Variants in SNX29 observed in about 807,000 individuals in gnomAD.
SNX29 encodes the protein sorting nexin 29.
Under a neutral mutation model 102.1 loss-of-function variants are expected in SNX29, and 78 were observed. The ratio of observed to expected loss-of-function variants is 0.76; its 90% CI spans 0.64 to 0.92. The LOEUF (loss-of-function observed/expected upper bound fraction) is 0.92, where lower values mean the gene tolerates loss of function less well. Ranked by LOEUF, SNX29 falls within the 40% of genes least tolerant of loss-of-function variation. The pLI is 0.00. For synonymous variants in SNX29, 580 were observed against 414.5 expected (o/e 1.40, Z -4.85); for missense variants, 1,280 against 1,061.7 (o/e 1.21, Z -2.86).
chr16:12,214,689 C>A (rs34896667), intron 14 of SNX29, among the ~76,000 whole-genome samples: 19,429 of 151,852 alleles, frequency 0.13, 2,166 homozygotes, highest in South Asian at 0.29. Flanking sequence ...TTTGCATTTC[C>A]GTAGAAATAG....
intron 13 of SNX29, among the ~76,000 whole-genome samples, chr16:12,165,918 C>T (rs752356464): frequency 1.3e-5 from 2 of 152,238 alleles, no homozygotes; most frequent in Non-Finnish European, 1.5e-5. Flanking sequence ...TGCACACTAG[C>T]CATGTGACCT....
intron 15 of SNX29, among the ~76,000 whole-genome samples, chr16:12,310,534 A>C (rs1383791306): frequency 6.6e-6 from 1 of 152,100 alleles, no homozygotes; most frequent in Non-Finnish European, 1.5e-5. Context: ...AAAAAAGACC[A>C]TAAGGAGCAT....
intron 13 of SNX29, among the ~76,000 whole-genome samples, chr16:12,187,546 TAA>T (rs759490798): frequency 3.5e-5 from 5 of 141,914 alleles, no homozygotes; most frequent in Non-Finnish European, 1.5e-5. Context: ...AGACTCTGTT[TAA>T]AAAAAAAAAA....
chr16:12,128,838 G>T (rs2054333486), intron 12 of SNX29, among the ~76,000 whole-genome samples: 1 of 152,144 alleles, frequency 6.6e-6, no homozygotes, highest in Non-Finnish European at 1.5e-5. Flanking sequence ...TTGTTTTCCA[G>T]AAACAGCCAG....
chr16:12,463,556 C>T (rs1006429097), intron 18 of SNX29, among the ~76,000 whole-genome samples: 1 of 152,094 alleles, frequency 6.6e-6, no homozygotes, highest in African/African-American at 2.4e-5. Flanking sequence ...AAAGACCTGC[C>T]CCTGTGATTC....
intron 11 of SNX29, among the ~76,000 whole-genome samples, chr16:12,107,545 G>A (rs2053313144): frequency 6.6e-6 from 1 of 152,106 alleles, no homozygotes; most frequent in African/African-American, 2.4e-5. Flanking sequence ...ACTGAGGCAG[G>A]AGAATCTCTT....
chr16:12,028,072 T>C (rs2057241798), intron 4 of SNX29, among the ~76,000 whole-genome samples: 1 of 152,224 alleles, frequency 6.6e-6, no homozygotes, highest in Non-Finnish European at 1.5e-5. Context: ...GATCATGTCA[T>C]GTAACAAATG....
chr16:12,078,934 C>G lies in SNX29; in HGVS notation c.1402+19C>G. On this transcript the variant is annotated intron_variant, in intron 11 of 20. Coordinates refer to ENST00000566228, the MANE Select transcript of SNX29 (RefSeq NM_032167.5). ...ACAATTAGTAAGTACTTTCGCAGCC[C>G]CCTCCACCAGCTCTGGGATGACTTC... The G allele has an allele frequency of 6.3e-7, 1 of 1,579,586 alleles. No individual in the cohort carries two copies. Among genetic ancestry groups the G allele is most frequent in the East Asian group, 2.3e-5 (1 of 43,464 alleles).
intron 15 of SNX29, among the ~76,000 whole-genome samples, chr16:12,284,422 C>G (rs2079529302): frequency 6.6e-6 from 1 of 152,232 alleles, no homozygotes; most frequent in East Asian, 1.9e-4. Flanking sequence ...TTCCTCTTCT[C>G]CCCTCCATCC....
chr16:12,341,829 G>A (rs1440878319), intron 15 of SNX29, among the ~76,000 whole-genome samples: 1 of 152,236 alleles, frequency 6.6e-6, no homozygotes, highest in Non-Finnish European at 1.5e-5. Context: ...CAGGTAGGGT[G>A]CATGGTGAGC....
intron 11 of SNX29, among the ~76,000 whole-genome samples, chr16:12,094,490 G>A (rs1034029033): frequency 2.6e-5 from 4 of 152,014 alleles, no homozygotes; most frequent in African/African-American, 9.7e-5. Context: ...CCCTTTAGCT[G>A]GTATCTACCC....
intron 15 of SNX29, among the ~76,000 whole-genome samples, chr16:12,353,891 C>T (rs2082060527): frequency 6.6e-6 from 1 of 152,162 alleles, no homozygotes. Context: ...ATCATTGTGC[C>T]TGCTTGGAGG....
chr16:12,274,628 C>T (rs141970495), intron 14 of SNX29, among the ~76,000 whole-genome samples: 78 of 152,058 alleles, frequency 5.1e-4, no homozygotes, highest in African/African-American at 1.5e-3. Context: ...CCTCTGCCTC[C>T]GAGGCTCAAG....
At chr16:12,563,877 C>T (rs1368316224) in intron 20 of SNX29, among the ~76,000 whole-genome samples, 4 of 152,232 alleles carry the variant, frequency 2.6e-5, no homozygotes, top group East Asian at 1.9e-4. Context: ...CCATCTCTAG[C>T]CCCTTGGGCC....
At chr16:12,222,987 A>G (rs2077517531) in intron 14 of SNX29, among the ~76,000 whole-genome samples, 2 of 152,252 alleles carry the variant, frequency 1.3e-5, no homozygotes. Context: ...GCAACTGGCA[A>G]GTGGCGGAGT....
intron 1 of SNX29, among the ~76,000 whole-genome samples, chr16:11,994,435 A>G (rs564812185): frequency 4.4e-4 from 67 of 152,282 alleles, no homozygotes; most frequent in African/African-American, 1.4e-3. Context: ...TGTTTGCTGA[A>G]TTTGCACTGG....
At chr16:12,059,318 C>T (rs944370915) in intron 8 of SNX29, among the ~76,000 whole-genome samples, 6 of 152,234 alleles carry the variant, frequency 3.9e-5, no homozygotes, top group South Asian at 2.1e-4. Flanking sequence ...GTGCCGGCTC[C>T]GTGGTCACCA....
intron 18 of SNX29, among the ~76,000 whole-genome samples, chr16:12,437,961 G>C (rs981010704): frequency 3.3e-5 from 5 of 152,072 alleles, no homozygotes; most frequent in African/African-American, 4.8e-5. Flanking sequence ...GCCCAGCTCT[G>C]CCTGGTGTGG....
chr16:12,304,081 C>G (rs541898359), intron 15 of SNX29, among the ~76,000 whole-genome samples: 151 of 152,296 alleles, frequency 9.9e-4, no homozygotes, highest in African/African-American at 3.3e-3. Context: ...AGAATGATTT[C>G]TACCTGAGAG....
Sources: allele counts gnomAD v4.1 joint callset (sites outside exome capture counted in the v4.1 genomes callset), GRCh38; gene constraint gnomAD v4.1.1; transcripts MANE v1.5; gene names NCBI Gene and HGNC (gene_info 2026-07-23, HGNC 2026-07-21).